RBM6: variants seen among roughly 807,000 people sequenced by gnomAD.
RBM6 encodes the protein RNA-binding protein 6.
RBM6 carries 23 observed loss-of-function variants against 140.4 expected under a neutral mutation model. The observed-to-expected ratio is 0.16, with a 90% confidence interval of 0.12 to 0.23. RBM6 has a LOEUF of 0.23. Among genes scored for constraint, RBM6 ranks in the 10% least tolerant of loss-of-function variants. The probability of loss-of-function intolerance (pLI) is 1.00; values close to 1 mark genes in which losing one functional copy is unlikely to be tolerated. For missense variants in RBM6, 1,139 were observed against 1,386.7 expected (o/e 0.82, Z 2.84); for synonymous variants, 439 against 475.6 (o/e 0.92, Z 1.00).
At chr3:50,072,297 C>T (rs2090329066) in intron 19 of RBM6, among the ~76,000 whole-genome samples, 1 of 151,368 alleles carries the variant, frequency 6.6e-6, no homozygotes, top group Admixed American at 6.6e-5. Context: ...GTAATCCCAG[C>T]TACTCGGGAG....
intron 15 of RBM6, among the ~76,000 whole-genome samples, chr3:50,064,124 G>C (rs541270696): frequency 6.6e-6 from 1 of 151,790 alleles, no homozygotes; most frequent in South Asian, 2.1e-4. Context: ...GTAGAGACGC[G>C]GTTTCACCAT....
intron 5 of RBM6, among the ~76,000 whole-genome samples, chr3:49,978,481 C>T (rs1182323946): frequency 1.3e-5 from 2 of 152,026 alleles, no homozygotes; most frequent in African/African-American, 2.4e-5. Context: ...AACGCCTCTT[C>T]GTTGACTCTA....
chr3:50,072,639 T>C (rs1012049914), intron 19 of RBM6, among the ~76,000 whole-genome samples: 3 of 152,186 alleles, frequency 2.0e-5, no homozygotes, highest in Admixed American at 2.0e-4. Flanking sequence ...TCATCTAAAA[T>C]ACTTTCTTAC....
chr3:50,052,135 G>A (rs1201422843), intron 7 of RBM6, among the ~76,000 whole-genome samples: 3 of 152,170 alleles, frequency 2.0e-5, no homozygotes, highest in Non-Finnish European at 4.4e-5. Context: ...CACAATCTCG[G>A]CTCACGACAA....
At chr3:50,074,618 C>T (rs1333889213) in intron 19 of RBM6, among the ~76,000 whole-genome samples, 1 of 152,178 alleles carries the variant, frequency 6.6e-6, no homozygotes, top group African/African-American at 2.4e-5. Context: ...TAGCAGACAT[C>T]TACTGTTGCT....
chr3:49,969,975 G>A (rs187606121), intron 3 of RBM6, among the ~76,000 whole-genome samples: 25 of 151,184 alleles, frequency 1.7e-4, no homozygotes, highest in African/African-American at 5.8e-4. Flanking sequence ...GAGCCTCACC[G>A]TGTTGCCTAG....
chr3:50,017,653 G>C (rs1013372481), intron 6 of RBM6, among the ~76,000 whole-genome samples: 1 of 151,944 alleles, frequency 6.6e-6, no homozygotes, highest in Non-Finnish European at 1.5e-5. Flanking sequence ...AGTAGTTTGA[G>C]TTCTTTGTAC....
At chr3:49,965,435 C>G (rs931900041) in intron 2 of RBM6, among the ~76,000 whole-genome samples, 1 of 151,460 alleles carries the variant, frequency 6.6e-6, no homozygotes, top group Admixed American at 6.6e-5. Flanking sequence ...TTTGGGAGGC[C>G]GAGGCGGGTG....
chr3:49,968,769 G>GTTT, intron 3 of RBM6, 21 bp downstream of exon 3: 19 of 537,012 alleles, frequency 3.5e-5, no homozygotes, highest in Middle Eastern at 5.7e-4. Flanking sequence ...GGGGTGGATT[G>GTTT]CTTTTTTTTT....
chr3:50,002,156 T>A (rs1182999739), intron 6 of RBM6, among the ~76,000 whole-genome samples: 4 of 151,822 alleles, frequency 2.6e-5, no homozygotes, highest in Non-Finnish European at 4.4e-5. Context: ...GGCGTAATCT[T>A]GGCTCACTGC....
intron 5 of RBM6, among the ~76,000 whole-genome samples, chr3:49,981,006 G>A (rs1279970666): frequency 6.6e-6 from 1 of 151,666 alleles, no homozygotes; most frequent in African/African-American, 2.4e-5. Flanking sequence ...GGGTTCAAGC[G>A]ATTCTCCTGC....
intron 1 of RBM6, among the ~76,000 whole-genome samples, chr3:49,947,338 G>A (rs1425057495): frequency 6.6e-6 from 1 of 151,740 alleles, no homozygotes; most frequent in Non-Finnish European, 1.5e-5. Flanking sequence ...GCTGAGGTAG[G>A]TGGATCTCTT....
chr3:50,020,141 T>C (rs1047221695), intron 6 of RBM6, among the ~76,000 whole-genome samples: 1 of 152,152 alleles, frequency 6.6e-6, no homozygotes, highest in African/African-American at 2.4e-5. Flanking sequence ...CAGGCTGGTC[T>C]GGAACTCCTG....
At chr3:49,981,174 A>T (rs1453324811) in intron 5 of RBM6, among the ~76,000 whole-genome samples, 1 of 152,186 alleles carries the variant, frequency 6.6e-6, no homozygotes, top group African/African-American at 2.4e-5. Context: ...TGCTGGGATT[A>T]CAGGCATGAG....
At chr3:50,025,391 C>G (rs1474551134) in intron 6 of RBM6, among the ~76,000 whole-genome samples, 6 of 151,528 alleles carry the variant, frequency 4.0e-5, no homozygotes, top group Admixed American at 1.3e-4. Context: ...CCACTGCACT[C>G]CAGCCTGGGT....
chr3:50,068,228 A>G (rs945837461), intron 17 of RBM6, among the ~76,000 whole-genome samples: 4 of 152,120 alleles, frequency 2.6e-5, no homozygotes, highest in African/African-American at 9.7e-5. Context: ...AGTTTCATAC[A>G]TATGTCTGAG....
At chr3:50,001,466 G>A (rs995499353) in intron 6 of RBM6, among the ~76,000 whole-genome samples, 18 of 152,024 alleles carry the variant, frequency 1.2e-4, no homozygotes, top group African/African-American at 4.3e-4. Context: ...AAACAAAAAA[G>A]TACAGTTAAC....
intron 5 of RBM6, among the ~76,000 whole-genome samples, chr3:49,981,046 G>T (rs2085285546): frequency 6.6e-6 from 1 of 151,806 alleles, no homozygotes; most frequent in African/African-American, 2.4e-5. Context: ...GGGATTATAG[G>T]CGCCTGCCAC....
chr3:49,996,764 A>G (rs893564788), intron 5 of RBM6, among the ~76,000 whole-genome samples: 1 of 152,214 alleles, frequency 6.6e-6, no homozygotes, highest in Non-Finnish European at 1.5e-5. Flanking sequence ...GTTTTCAGGC[A>G]TATGGGACCC....
Sources: allele counts gnomAD v4.1 joint callset (sites outside exome capture counted in the v4.1 genomes callset), GRCh38; gene constraint gnomAD v4.1.1; transcripts MANE v1.5; gene names NCBI Gene and HGNC (gene_info 2026-07-23, HGNC 2026-07-21).